The following PARVA variants were observed in gnomAD, a reference collection of about 807,000 sequenced individuals.
PARVA encodes parvin alpha, also known as alpha-parvin.
PARVA carries 25 observed loss-of-function variants against 52.6 expected under a neutral mutation model. The ratio of observed to expected loss-of-function variants is 0.48; its 90% CI spans 0.35 to 0.66. The LOEUF is 0.66. Ranked by LOEUF, PARVA falls within the 30% of genes least tolerant of loss-of-function variation. PARVA has a pLI of 0.01. For missense variants in PARVA, 373 were observed against 450.9 expected (o/e 0.83, Z 1.56); for synonymous variants, 185 against 179.1 (o/e 1.03, Z -0.26).
intron 1 of PARVA, among the ~76,000 whole-genome samples, chr11:12,403,151 T>G (rs916256761): frequency 6.6e-6 from 1 of 152,224 alleles, no homozygotes; most frequent in Non-Finnish European, 1.5e-5. Flanking sequence ...TCTCCCTTTT[T>G]CCCAAGGCTT....
chr11:12,416,816 G>T (rs567882175), intron 1 of PARVA, among the ~76,000 whole-genome samples: 3 of 151,998 alleles, frequency 2.0e-5, no homozygotes, highest in Admixed American at 6.6e-5. Flanking sequence ...GGGAGGGCAC[G>T]AGGGCAGAGA....
intron 1 of PARVA, among the ~76,000 whole-genome samples, chr11:12,407,012 T>G (rs1488113723): frequency 6.6e-6 from 1 of 152,190 alleles, no homozygotes; most frequent in East Asian, 1.9e-4. Flanking sequence ...GACATCTTTT[T>G]GTGCATTTTC....
At chr11:12,440,225 T>C (rs1370371641) in intron 1 of PARVA, among the ~76,000 whole-genome samples, 1 of 152,164 alleles carries the variant, frequency 6.6e-6, no homozygotes, top group Non-Finnish European at 1.5e-5. Context: ...AAGGACACAG[T>C]GGCTTTTTTG....
At chr11:12,412,765 G>A (rs751809469) in intron 1 of PARVA, among the ~76,000 whole-genome samples, 8 of 152,308 alleles carry the variant, frequency 5.3e-5, no homozygotes, top group African/African-American at 7.2e-5. Flanking sequence ...TGTTATATGC[G>A]CAAGCAGACC....
intron 1 of PARVA, among the ~76,000 whole-genome samples, chr11:12,445,769 A>G (rs1375597403): frequency 6.6e-6 from 1 of 152,162 alleles, no homozygotes; most frequent in Admixed American, 6.5e-5. Context: ...TATGGGGGCC[A>G]TATGTCCTTA....
chr11:12,524,339 G>A (rs186213371), intron 12 of PARVA, among the ~76,000 whole-genome samples: 180 of 152,300 alleles, frequency 1.2e-3, no homozygotes, highest in African/African-American at 4.2e-3. Flanking sequence ...AGCTGTAGTG[G>A]AGATGGACTT....
rs1311794482 is a variant in PARVA, at chr11:12,508,614, A to G, written c.688A>G (p.Ile230Val). ...KREGILQSRQ[I>V]QEEITGNTEA... ...AGAAGGAATCCTCCAGTCTCGGCAA[A>G]TCCAAGAGGAAATAACTGGTAACAC... Residue 230 changes from isoleucine to valine, a missense_variant, in exon 7 of 13, where the codon ATC becomes GTC. By Grantham distance (29) the Ile-to-Val change is conservative (BLOSUM62 3). Coordinates refer to ENST00000334956, the MANE Select transcript of PARVA (RefSeq NM_018222.5). 2 of 1,610,122 alleles carry G rather than the reference A, an allele frequency of 1.2e-6. No individual in the cohort carries two copies.
chr11:12,534,421 C>T lies in PARVA; in HGVS notation c.*6496C>T, dbSNP rs1941811343. Among the ~76,000 whole-genome samples, 1 of 152,166 alleles carries T rather than the reference C, an allele frequency of 6.6e-6. No homozygotes were observed. The highest frequency in any genetic ancestry group is 6.5e-5 in the Admixed American group (1 of 15,276). On this transcript the variant is annotated 3_prime_UTR_variant, in exon 13 of 13. Coordinates refer to ENST00000334956, the MANE Select transcript of PARVA (RefSeq NM_018222.5). The stretch of plus-strand genomic sequence containing the variant: ...GTGTTCCTGCCTCAACTCCCCTGAA[C>T]CCTCCTGAACTTTCTACACACATGT...
chr11:12,523,771 AG>A (rs1265898264), intron 12 of PARVA, among the ~76,000 whole-genome samples: 1 of 152,176 alleles, frequency 6.6e-6, no homozygotes, highest in Non-Finnish European at 1.5e-5. Context: ...GCCTCCAGAG[AG>A]GGGCCCTGGG....
At chr11:12,437,576 G>C (rs1311919855) in intron 1 of PARVA, among the ~76,000 whole-genome samples, 1 of 152,208 alleles carries the variant, frequency 6.6e-6, no homozygotes, top group Non-Finnish European at 1.5e-5. Flanking sequence ...TAGGTGCTCA[G>C]TGAAGGTTTG....
At chr11:12,512,667 C>T (rs1263837825) in intron 8 of PARVA, among the ~76,000 whole-genome samples, 2 of 152,214 alleles carry the variant, frequency 1.3e-5, no homozygotes, top group African/African-American at 4.8e-5. Flanking sequence ...TTCAGGAGAA[C>T]ATGTCAGAGT....
chr11:12,475,582 CAGGAGTATTCAGAAGTAAA>C (rs1400135519), intron 3 of PARVA, among the ~76,000 whole-genome samples: 3 of 152,152 alleles, frequency 2.0e-5, no homozygotes, highest in African/African-American at 7.2e-5. Flanking sequence ...CAAAGTCAGC[CAGGAGTATTCAGAAGTAAA>C]ATCAAACCCA....
intron 6 of PARVA, among the ~76,000 whole-genome samples, chr11:12,506,755 C>G (rs1377376572): frequency 1.3e-5 from 2 of 152,178 alleles, no homozygotes; most frequent in Non-Finnish European, 2.9e-5. Flanking sequence ...GGCACAGAAG[C>G]AAGACTCAGA....
At chr11:12,524,636 G>A (rs778786159) in intron 12 of PARVA, among the ~76,000 whole-genome samples, 12 of 152,166 alleles carry the variant, frequency 7.9e-5, no homozygotes, top group Non-Finnish European at 1.5e-4. Context: ...CACCTGCTGG[G>A]CCTATGTTCC....
chr11:12,404,071 A>C (rs973551089), intron 1 of PARVA, among the ~76,000 whole-genome samples: 16 of 151,556 alleles, frequency 1.1e-4, no homozygotes, highest in African/African-American at 3.4e-4. Context: ...CACCCCAGGC[A>C]GCTGCCCAGT....
At chr11:12,476,117 A>C (rs1589972452) in intron 3 of PARVA, among the ~76,000 whole-genome samples, 1 of 152,132 alleles carries the variant, frequency 6.6e-6, no homozygotes, top group South Asian at 2.1e-4. Context: ...ATGGGCTCCA[A>C]ATGGTTTAGG....
At position 12,530,872 on chromosome 11, in the gene PARVA, C is replaced by T. The variant is rs570933957; in HGVS notation, c.*2947C>T. ...GCTAGGAAAGGAAAAAAGCCCTAGC[C>T]GAAGGAGGAAAGGCTGCCTAGACAA... is the stretch of plus-strand genomic sequence containing the variant. On this transcript the variant is annotated 3_prime_UTR_variant, in exon 13 of 13. Transcript: ENST00000334956. 2 of 152,040 alleles carry T rather than the reference C, an allele frequency of 1.3e-5. No homozygotes were observed. Among genetic ancestry groups the T allele is most frequent in the South Asian group, 2.1e-4 (1 of 4,820 alleles). 9.4% of individuals were successfully genotyped at this position (152,040 alleles called of 1,614,324 possible). A position where few individuals can be genotyped will look rare whatever the true frequency, so the allele number is the denominator to read the frequency against.
chr11:12,448,118 C>T (rs1029101574), intron 1 of PARVA, among the ~76,000 whole-genome samples: 9 of 152,170 alleles, frequency 5.9e-5, no homozygotes, highest in African/African-American at 1.9e-4. Flanking sequence ...GCAGGGCTGA[C>T]ATCTGATTAA....
chr11:12,490,215 CAA>C (rs34941352), intron 4 of PARVA, among the ~76,000 whole-genome samples: 1,514 of 107,666 alleles, frequency 0.014, 19 homozygotes, highest in Non-Finnish European at 0.017. Context: ...GACTCAGTCT[CAA>C]AAAAAAAAAA....
Sources: allele counts gnomAD v4.1 joint callset (sites outside exome capture counted in the v4.1 genomes callset), GRCh38; gene constraint gnomAD v4.1.1; transcripts MANE v1.5; gene names NCBI Gene and HGNC (gene_info 2026-07-23, HGNC 2026-07-21).